The following GLG1 variants were observed in gnomAD, a reference collection of about 807,000 sequenced individuals.
GLG1 encodes the protein golgi glycoprotein 1.
In GLG1, 38 loss-of-function variants were observed where a neutral mutation model predicts 160.5. That is an observed-to-expected ratio of 0.24 (90% CI 0.18 to 0.31). GLG1 has a LOEUF of 0.31. GLG1 is among the 10% of genes least tolerant of loss of function. The probability of loss-of-function intolerance (pLI) is 1.00; values close to 1 mark genes in which losing one functional copy is unlikely to be tolerated. For missense variants in GLG1, 1,373 were observed against 1,505.2 expected (o/e 0.91, Z 1.45); for synonymous variants, 644 against 543.4 (o/e 1.19, Z -2.57).
At chr16:74,589,444 G>T (rs535758820) in intron 1 of GLG1, among the ~76,000 whole-genome samples, 11 of 152,224 alleles carry the variant, frequency 7.2e-5, no homozygotes, top group African/African-American at 2.6e-4. Context: ...AAGGGCACTG[G>T]GAAATATTTT....
Position 74,467,859 on chromosome 16 carries a change from G to A in GLG1, c.2437-11C>T, listed in dbSNP as rs374727701. ...GCGGATGTCCTCCGTCTGCATGAGGGAGCCAGCATGGAAAGGTGAGCTTGG... is the reference window on the plus strand; with the variant it reads ...GCGGATGTCCTCCGTCTGCATGAGGAAGCCAGCATGGAAAGGTGAGCTTGG... On this transcript the variant is annotated splice_polypyrimidine_tract_variant and intron_variant, in intron 17 of 25. Coordinates refer to ENST00000422840, the MANE Select transcript of GLG1 (RefSeq NM_001145667.2). 8.8e-6 allele frequency: 14 copies of A among 1,583,498 alleles called. No individual in the cohort carries two copies. The African/African-American group carries it at 1.6e-4, about 18-fold the overall frequency.
At chr16:74,513,260 T>C (rs56344746) in intron 2 of GLG1, among the ~76,000 whole-genome samples, 14,984 of 152,114 alleles carry the variant, frequency 0.099, 764 homozygotes, top group Middle Eastern at 0.12. Context: ...AAAGATGGGA[T>C]ATACTTGAGA....
intron 1 of GLG1, among the ~76,000 whole-genome samples, chr16:74,593,139 C>G (rs1368982681): frequency 6.6e-6 from 1 of 152,160 alleles, no homozygotes; most frequent in African/African-American, 2.4e-5. Context: ...ACCTCCAGAA[C>G]CATGAGCCAA....
At chr16:74,470,853 G>A (rs1324418204) in intron 15 of GLG1, among the ~76,000 whole-genome samples, 1 of 152,074 alleles carries the variant, frequency 6.6e-6, no homozygotes, top group African/African-American at 2.4e-5. Context: ...CGCCTCCCAG[G>A]TTCAAGCAAT....
chr16:74,554,434 T>C (rs1324715668), intron 1 of GLG1, among the ~76,000 whole-genome samples: 5 of 152,336 alleles, frequency 3.3e-5, no homozygotes, highest in Admixed American at 3.3e-4. Context: ...CTCGGGAGGC[T>C]GAGGCAGGAC....
At chr16:74,472,481 T>C in intron 13 of GLG1, 70 bp from the exon 14 acceptor site, 1 of 1,376,426 alleles carries the variant, frequency 7.3e-7, no homozygotes. Flanking sequence ...GCAGTTTCTC[T>C]TTCTGAATCA....
chr16:74,556,195 T>G (rs1393809458), intron 1 of GLG1, among the ~76,000 whole-genome samples: 1 of 152,146 alleles, frequency 6.6e-6, no homozygotes, highest in Non-Finnish European at 1.5e-5. Flanking sequence ...AATCACAAAA[T>G]GTCCCTCTTA....
intron 1 of GLG1, among the ~76,000 whole-genome samples, chr16:74,563,726 CAA>C (rs539716895): frequency 4.8e-4 from 41 of 85,530 alleles, no homozygotes; most frequent in Non-Finnish European, 3.9e-4. Flanking sequence ...GACCCTGTCT[CAA>C]AAAAAAAAAA....
At chr16:74,494,973 T>A (rs890153060) in intron 5 of GLG1, 142 bp from the exon 6 acceptor site, 2 of 468,956 alleles carry the variant, frequency 4.3e-6, no homozygotes, top group Admixed American at 6.8e-5. Flanking sequence ...TTTATAAAAT[T>A]TAATAGGCTT....
intron 2 of GLG1, among the ~76,000 whole-genome samples, chr16:74,511,584 TTAAA>T (rs1567493615): frequency 4.6e-5 from 4 of 87,004 alleles, no homozygotes; most frequent in Admixed American, 1.1e-4. Flanking sequence ...CCTTTTTTTT[TTAAA>T]AAAAAAAAAA....
chr16:74,457,891 G>C lies in GLG1; in HGVS notation c.3248C>G (p.Thr1083Ser). The change falls in exon 24 of 26, where the codon ACC becomes AGC. Residue 1083 changes from threonine (T) to serine (S), a missense_variant. Thr to Ser is a moderately conservative substitution (Grantham distance 58, BLOSUM62 1). Around this residue, in one of 4 missense-constraint regions of GLG1, gnomAD observed 491 missense variants for 632.1 expected, o/e 0.78. Transcript: ENST00000422840. ...LDIKHHCAAI[T>S]PGRGRQMSCL... is the part of the protein sequence containing the mutation. ...AGACTTACGACGCCCGCGGCCAGGG[G>C]TGATGGCTGCGCAGTGGTGTTTAAT... The C allele has an allele frequency of 6.2e-7, 1 of 1,613,938 alleles. No individual in the cohort carries two copies. Among genetic ancestry groups the C allele is most frequent in the Non-Finnish European group, 8.5e-7 (1 of 1,179,854 alleles).
chr16:74,563,551 A>G (rs2018565678), intron 1 of GLG1, among the ~76,000 whole-genome samples: 1 of 151,930 alleles, frequency 6.6e-6, no homozygotes, highest in African/African-American at 2.4e-5. Flanking sequence ...CAAAATGGGA[A>G]CTCTGTCTCT....
chr16:74,517,441 AT>A (rs1490022212), intron 2 of GLG1, among the ~76,000 whole-genome samples: 2 of 152,210 alleles, frequency 1.3e-5, no homozygotes, highest in Admixed American at 6.5e-5. Context: ...AGAATCAGTA[AT>A]AAAAACCACA....
At chr16:74,456,314 A>G (rs2014536733) in intron 25 of GLG1, among the ~76,000 whole-genome samples, 1 of 152,236 alleles carries the variant, frequency 6.6e-6, no homozygotes, top group Non-Finnish European at 1.5e-5. Context: ...GAATTCTAAA[A>G]GCACACTGAC....
intron 1 of GLG1, among the ~76,000 whole-genome samples, chr16:74,603,568 G>A (rs936816721): frequency 5.9e-5 from 9 of 151,852 alleles, no homozygotes; most frequent in East Asian, 1.9e-4. Context: ...GAGCCACTGC[G>A]CCCGGCTGAA....
intron 2 of GLG1, among the ~76,000 whole-genome samples, chr16:74,519,026 A>G (rs2017071779): frequency 6.6e-6 from 1 of 152,222 alleles, no homozygotes; most frequent in South Asian, 2.1e-4. Context: ...TGATAAAGAC[A>G]CATGCACATG....
At chr16:74,464,227 GCATGAAT>G (rs2014917206) in intron 19 of GLG1, among the ~76,000 whole-genome samples, 1 of 152,156 alleles carries the variant, frequency 6.6e-6, no homozygotes, top group Non-Finnish European at 1.5e-5. Flanking sequence ...TATTGTTTAA[GCATGAAT>G]GTAACACTGT....
intron 1 of GLG1, among the ~76,000 whole-genome samples, chr16:74,537,429 C>A (rs2017716490): frequency 6.6e-6 from 1 of 151,344 alleles, no homozygotes; most frequent in Admixed American, 6.6e-5. Flanking sequence ...TAGTAGTTAG[C>A]AATAGAAGTG....
At chr16:74,519,012 TA>T (rs577954690) in intron 2 of GLG1, among the ~76,000 whole-genome samples, 18 of 152,162 alleles carry the variant, frequency 1.2e-4, no homozygotes, top group Non-Finnish European at 2.6e-4. Flanking sequence ...TATAAATCAT[TA>T]TATGATAAAG....
Sources: gnomAD v4.1 joint callset for allele counts (sites outside exome capture counted in the v4.1 genomes callset) on GRCh38, gnomAD v4.1.1 for gene constraint, gnomAD v4.1.1 regional missense constraint, MANE v1.5 for transcripts, NCBI Gene and HGNC (gene_info 2026-07-23, HGNC 2026-07-21) for gene names.